The following JARID2 variants were observed in gnomAD, a reference collection of about 807,000 sequenced individuals.
The protein encoded by JARID2 is jumonji and AT-rich interaction domain containing 2.
JARID2 carries 21 observed loss-of-function variants against 125.6 expected under a neutral mutation model. That is an observed-to-expected ratio of 0.17 (90% CI 0.12 to 0.24). JARID2 has a LOEUF of 0.24. JARID2 is among the 10% of genes least tolerant of loss of function. The probability of loss-of-function intolerance (pLI) is 1.00; values close to 1 mark genes in which losing one functional copy is unlikely to be tolerated. For missense variants in JARID2, 1,303 were observed against 1,639.6 expected (o/e 0.79, Z 3.55); for synonymous variants, 736 against 661.6 (o/e 1.11, Z -1.73).
intron 1 of JARID2, among the ~76,000 whole-genome samples, chr6:15,366,798 ACCTTCTGCCT>A (rs904189405): frequency 6.4e-4 from 98 of 152,268 alleles, no homozygotes; most frequent in Admixed American, 6.3e-3. Context: ...CTAGGTTGCC[ACCTTCTGCCT>A]CTTTATCACC....
At position 15,394,835 on chromosome 6, in the gene JARID2, C is replaced by T. The variant is rs116398085; in HGVS notation, c.182-15389C>T. On this transcript the variant is annotated intron_variant, in intron 2 of 17. Transcript: ENST00000341776. ...GAGAATGTGTCAGCTGCCACACATGCAGGACTCAACCCAGCTACCCCAGCG... is the reference window on the plus strand; with the variant it reads ...GAGAATGTGTCAGCTGCCACACATGTAGGACTCAACCCAGCTACCCCAGCG... Among the ~76,000 whole-genome samples, 1,305 of 152,170 alleles carry T rather than the reference C, an allele frequency of 8.6e-3. 10 individuals are homozygous for T. The highest frequency in any genetic ancestry group is 0.028 in the Middle Eastern group (8 of 290).
Position 15,482,243 on chromosome 6 carries a change from G to A in JARID2, c.671-5064G>A, listed in dbSNP as rs1363113254. On this transcript the variant is annotated intron_variant, in intron 5 of 17. Coordinates refer to ENST00000341776, the MANE Select transcript of JARID2 (RefSeq NM_004973.4). ...CAAGCTTCTTGAAATCATCATGTAA[G>A]GAGTAATGGAACAGATGATCTGGCC... 2.0e-5 allele frequency among the ~76,000 whole-genome samples: 3 copies of A among 152,192 alleles called. No individual in the cohort carries two copies. The East Asian group carries it at 5.8e-4, about 29-fold the overall frequency.
intron 1 of JARID2, among the ~76,000 whole-genome samples, chr6:15,350,385 C>T (rs923731436): frequency 2.6e-5 from 4 of 152,190 alleles, no homozygotes; most frequent in Admixed American, 6.5e-5. Context: ...TCAGTTTCTC[C>T]GTGTCTTGAG....
At chr6:15,298,968 A>C (rs905557543) in intron 1 of JARID2, among the ~76,000 whole-genome samples, 13 of 126,300 alleles carry the variant, frequency 1.0e-4, no homozygotes, top group African/African-American at 4.0e-4. Flanking sequence ...GGGTATCCTT[A>C]AATGTGTTCT....
chr6:15,408,936 A>G (rs1241928573), intron 2 of JARID2, among the ~76,000 whole-genome samples: 2 of 152,166 alleles, frequency 1.3e-5, no homozygotes, highest in Non-Finnish European at 2.9e-5. Flanking sequence ...TCTGTATTGT[A>G]GTCACAACTC....
intron 1 of JARID2, among the ~76,000 whole-genome samples, chr6:15,308,168 A>G (rs988189845): frequency 1.3e-5 from 2 of 152,154 alleles, no homozygotes; most frequent in Non-Finnish European, 2.9e-5. Flanking sequence ...TTATTATACT[A>G]GTGAATTTTG....
intron 1 of JARID2, among the ~76,000 whole-genome samples, chr6:15,342,846 T>C (rs1006703743): frequency 1.3e-5 from 2 of 152,214 alleles, no homozygotes; most frequent in Non-Finnish European, 2.9e-5. Flanking sequence ...GTACTAGTAC[T>C]AAGTTAGGAA....
At chr6:15,388,744 G>A (rs1366870608) in intron 2 of JARID2, among the ~76,000 whole-genome samples, 2 of 152,026 alleles carry the variant, frequency 1.3e-5, no homozygotes, top group African/African-American at 4.8e-5. Flanking sequence ...GCTGTCTCTT[G>A]TGTTTCATGG....
chr6:15,402,997 T>C (rs1430162651), intron 2 of JARID2, among the ~76,000 whole-genome samples: 1 of 152,128 alleles, frequency 6.6e-6, no homozygotes, highest in African/African-American at 2.4e-5. Context: ...TGTTTATAAT[T>C]CAGTCATTAT....
At chr6:15,427,589 G>C (rs1056140676) in intron 3 of JARID2, among the ~76,000 whole-genome samples, 12 of 151,996 alleles carry the variant, frequency 7.9e-5, no homozygotes, top group Non-Finnish European at 1.6e-4. Flanking sequence ...CTTTTAAACA[G>C]TAACATTTTT....
intron 1 of JARID2, among the ~76,000 whole-genome samples, chr6:15,369,793 T>C (rs1260473984): frequency 2.0e-5 from 3 of 152,180 alleles, no homozygotes; most frequent in Non-Finnish European, 4.4e-5. Flanking sequence ...TTGGTCAACA[T>C]TTAGCAAATG....
chr6:15,451,964 G>A, intron 3 of JARID2, 42 bp from the exon 4 acceptor site: 1 of 1,600,190 alleles, frequency 6.2e-7, no homozygotes, highest in African/African-American at 1.3e-5. Flanking sequence ...ATATCCTCCA[G>A]TCTCTGCTTA....
chr6:15,416,849 C>T (rs1186561250), intron 3 of JARID2, among the ~76,000 whole-genome samples: 1 of 152,108 alleles, frequency 6.6e-6, no homozygotes, highest in Non-Finnish European at 1.5e-5. Flanking sequence ...CCTTTTATTC[C>T]ACTCAGTTCT....
In JARID2 at chr6:15,501,416, G is replaced by A; in HGVS notation, c.2448+7G>A. 2 of 1,524,756 alleles carry A rather than the reference G, an allele frequency of 1.3e-6. No individual in the cohort carries two copies. Among genetic ancestry groups the A allele is most frequent in the Non-Finnish European group, 1.8e-6 (2 of 1,139,184 alleles). 94.5% of individuals were successfully genotyped at this position (1,524,756 alleles called of 1,614,324 possible). On this transcript the variant is annotated splice_region_variant and intron_variant, in intron 8 of 17. Coordinates refer to ENST00000341776, the MANE Select transcript of JARID2 (RefSeq NM_004973.4). ...CCACAAGTGCATCTATAAGGTAGGG[G>A]CCTCCGCAGAGCAGCCACTCCCAGC...
At chr6:15,416,830 T>C (rs1350522793) in intron 3 of JARID2, among the ~76,000 whole-genome samples, 1 of 152,192 alleles carries the variant, frequency 6.6e-6, no homozygotes, top group Non-Finnish European at 1.5e-5. Flanking sequence ...ATCTCCTTTC[T>C]CATTTTGCCC....
chr6:15,331,446 A>G (rs540903970), intron 1 of JARID2, among the ~76,000 whole-genome samples: 2 of 152,302 alleles, frequency 1.3e-5, no homozygotes, highest in Non-Finnish European at 2.9e-5. Context: ...TGTCTTTTTG[A>G]GCAACACTTT....
intron 3 of JARID2, among the ~76,000 whole-genome samples, chr6:15,415,028 G>A (rs1766076430): frequency 6.6e-6 from 1 of 152,184 alleles, no homozygotes; most frequent in Non-Finnish European, 1.5e-5. Flanking sequence ...TAACGAGCAT[G>A]CTGCCTTCAA....
chr6:15,261,956 A>G (rs978681673), intron 1 of JARID2, among the ~76,000 whole-genome samples: 8 of 151,326 alleles, frequency 5.3e-5, no homozygotes, highest in Non-Finnish European at 7.4e-5. Flanking sequence ...AATTTTTTGT[A>G]TTTTTAGTAG....
intron 3 of JARID2, among the ~76,000 whole-genome samples, chr6:15,429,215 A>G (rs1766868046): frequency 6.6e-6 from 1 of 151,720 alleles, no homozygotes; most frequent in South Asian, 2.1e-4. Flanking sequence ...GTGTAAACAA[A>G]TTCTAAGAGT....
Sources: allele counts gnomAD v4.1 joint callset (sites outside exome capture counted in the v4.1 genomes callset), GRCh38; gene constraint gnomAD v4.1.1; transcripts MANE v1.5; gene names NCBI Gene and HGNC (gene_info 2026-07-23, HGNC 2026-07-21).